DNAH1: variants seen among roughly 807,000 people sequenced by gnomAD.
The protein encoded by DNAH1 is dynein axonemal heavy chain 1.
In DNAH1, 327 loss-of-function variants were observed where a neutral mutation model predicts 484.3. That is an observed-to-expected ratio of 0.68 (90% CI 0.62 to 0.74). The LOEUF is 0.74. DNAH1 is among the 30% of genes least tolerant of loss of function. The pLI is 0.00. For missense variants in DNAH1, 5,052 were observed against 5,546.8 expected, an observed-to-expected ratio of 0.91 and a Z score of 2.83; for synonymous variants, 2,192 against 2,191.9, an observed-to-expected ratio of 1.00 and a Z score of 0.00.
At chr3:52,375,816 G>A (rs1703568967) in intron 45 of DNAH1, 139 bp from the exon 46 acceptor site, 5 of 969,122 alleles carry the variant, frequency 5.2e-6, no homozygotes, top group South Asian at 1.4e-5. Context: ...TAGGATGGAC[G>A]GAGTGTCTCT....
intron 1 of DNAH1, among the ~76,000 whole-genome samples, chr3:52,317,379 G>T (rs1457621965): frequency 2.0e-5 from 3 of 152,148 alleles, no homozygotes; most frequent in African/African-American, 7.2e-5. Flanking sequence ...GGCCTGAGTG[G>T]AGTCACCGTG....
chr3:52,323,001 C>A (rs1427704267), intron 2 of DNAH1, among the ~76,000 whole-genome samples: 1 of 152,214 alleles, frequency 6.6e-6, no homozygotes, highest in Non-Finnish European at 1.5e-5. Flanking sequence ...CAACTCATTA[C>A]TGAGCTCCTG....
chr3:52,350,204 A>G, intron 15 of DNAH1, 96 bp downstream of exon 15: 1 of 1,515,094 alleles, frequency 6.6e-7, no homozygotes, highest in South Asian at 1.2e-5. Flanking sequence ...GGTCGGACTC[A>G]GGAGGCTGAG....
chr3:52,382,793 C>A (rs986832852), intron 50 of DNAH1, among the ~76,000 whole-genome samples: 1 of 152,374 alleles, frequency 6.6e-6, no homozygotes, highest in Non-Finnish European at 1.5e-5. Flanking sequence ...GGCTTCCCTG[C>A]TCCCTCTTGG....
intron 45 of DNAH1, 134 bp from the exon 46 acceptor site, chr3:52,375,821 G>A (rs1703569198): frequency 2.0e-6 from 2 of 1,020,698 alleles, no homozygotes; most frequent in Non-Finnish European, 3.0e-6. Flanking sequence ...TGGACGGAGT[G>A]TCTCTGAGCC....
In DNAH1 at chr3:52,339,792, C is replaced by G. The variant is rs536720531; in HGVS notation, c.1287-4698C>G. ...TGTTTGTTTGTTTTTAGAATGTGCT[C>G]TGTGTGTGTGTCTGTGTGTGTGTGT... On this transcript the variant is annotated intron_variant, in intron 8 of 77. Transcript: ENST00000420323. Among the ~76,000 whole-genome samples the G allele has an allele frequency of 2.7e-3, 406 of 150,046 alleles. 4 individuals are homozygous for G. The highest frequency in any genetic ancestry group is 0.017 in the South Asian group (79 of 4,764).
Position 52,383,596 on chromosome 3 carries a change from T to C in DNAH1, c.8150+2T>C. 6.4e-7 allele frequency: 1 copy of C among 1,569,360 alleles called. No individual in the cohort carries two copies. Among genetic ancestry groups the C allele is most frequent in the Non-Finnish European group, 8.7e-7 (1 of 1,154,422 alleles). ...CATCCACATGGTGCTGTGCATGAGG[T>C]ACAGGCAGCTGTCGCCAGGCTGCGC... On this transcript the variant is annotated splice_donor_variant, in intron 51 of 77. Coordinates refer to ENST00000420323, the MANE Select transcript of DNAH1 (RefSeq NM_015512.5). LOFTEE classifies it high-confidence loss of function.
At position 52,326,874 on chromosome 3, in the gene DNAH1, A is replaced by G; in HGVS notation, c.721A>G (p.Ile241Val). ...IEQGHDPIFP[I>V]YLPLKVFDNE... ...ACAGGGCCATGACCCAATCTTCCCC[A>G]TCTACCTCCCACTGAAGGTGAGCCG... Residue 241 changes from isoleucine (I) to valine (V), a missense_variant, in exon 5 of 78, where the codon ATC (isoleucine) becomes GTC (valine). Transcript: ENST00000420323. 1.9e-6 allele frequency: 3 copies of G among 1,612,656 alleles called. No homozygotes were observed. Among genetic ancestry groups the G allele is most frequent in the African/African-American group, 2.7e-5 (2 of 74,882 alleles).
rs774850957 is a variant in DNAH1 at position 52,381,708 on chromosome 3, C to T, written c.7677C>T (p.Val2559=). The T allele has an allele frequency of 3.1e-6, 5 of 1,607,040 alleles. No individual in the cohort carries two copies. In the South Asian group the frequency reaches 5.6e-5, roughly 18 times the overall value. ...TCAACACGGCCAAGCTGAAGCTGGTCCTCTTCATGGACGCCATGAGCCACA... is the reference window on the plus strand; with the variant it reads ...TCAACACGGCCAAGCTGAAGCTGGTTCTCTTCATGGACGCCATGAGCCACA... The part of the protein sequence containing the change: ...NQINTAKLKL[V]LFMDAMSHIC... Residue 2559 remains valine, a synonymous_variant, in exon 49 of 78, where the codon GTC becomes GTT. Transcript: ENST00000420323. The surrounding 1 kb of genome is among the most constrained non-coding windows in gnomAD (Gnocchi z 4.1).
In DNAH1 at chr3:52,340,978, CCCTT is replaced by C. The variant is rs113750705; in HGVS notation, c.1287-3488_1287-3485del. Among the ~76,000 whole-genome samples the C allele has an allele frequency of 2.9e-3, 443 of 151,612 alleles. 2 individuals carry two copies. The highest frequency in any genetic ancestry group is 7.6e-3 in the African/African-American group (316 of 41,322). ...TTTCTTCCTTCCTTCCTTCCTCCCT[CCCTT>C]CCTTCCTTCCTTCCTTCCTTCCTAG... On this transcript the variant is annotated intron_variant, in intron 8 of 77. Transcript: ENST00000420323.
rs991264018 is a variant in DNAH1, at chr3:52,358,909, C to T, written c.4266+172C>T. On this transcript the variant is annotated intron_variant, in intron 25 of 77. Coordinates refer to ENST00000420323, the MANE Select transcript of DNAH1 (RefSeq NM_015512.5). This position sits in a 1 kb window ranked among gnomAD's most constrained non-coding sequence, Gnocchi z 4.2. ...CACACACACTCCAGAAAGTGGGACT[C>T]ACTCCTAATCATCGGGATGGCTGTT... Among the ~76,000 whole-genome samples the T allele has an allele frequency of 6.6e-6, 1 of 152,172 alleles. No homozygotes were observed. Among genetic ancestry groups the T allele is most frequent in the Admixed American group, 6.5e-5 (1 of 15,280 alleles).
chr3:52,381,847 C>T lies in DNAH1; in HGVS notation c.7805+11C>T, dbSNP rs753034591. The T allele has an allele frequency of 1.3e-6, 2 of 1,571,866 alleles. No homozygotes were observed. The highest frequency in any genetic ancestry group is 1.7e-6 in the Non-Finnish European group (2 of 1,158,492). ...GCTCGCCTCGCACATGTGAGCGCCT[C>T]CAGGGCGTGCTGGGCAGTGGGCGGC... On this transcript the variant is annotated intron_variant, in intron 49 of 77. Coordinates refer to ENST00000420323, the MANE Select transcript of DNAH1 (RefSeq NM_015512.5). This position sits in a 1 kb window ranked among gnomAD's most constrained non-coding sequence, Gnocchi z 4.1.
chr3:52,347,821 C>T lies in DNAH1; in HGVS notation c.1956-3C>T. Reference sequence around the variant, plus strand: ...CCCACAGTCAGCTCGCCATTGCCTGCAGGCCCCGGAAGAATCCCCTGTTCA... The same window carrying T: ...CCCACAGTCAGCTCGCCATTGCCTGTAGGCCCCGGAAGAATCCCCTGTTCA... On this transcript the variant is annotated splice_polypyrimidine_tract_variant and splice_region_variant and intron_variant, in intron 11 of 77. Coordinates refer to ENST00000420323, the MANE Select transcript of DNAH1 (RefSeq NM_015512.5). 2 of 1,575,130 alleles carry T rather than the reference C, an allele frequency of 1.3e-6. No homozygotes were observed. The highest frequency in any genetic ancestry group is 1.2e-5 in the South Asian group (1 of 86,206).
chr3:52,364,818 C>G lies in DNAH1; in HGVS notation c.5332-15C>G. 2 of 1,610,578 alleles carry G rather than the reference C, an allele frequency of 1.2e-6. No homozygotes were observed. The highest frequency in any genetic ancestry group is 1.7e-6 in the Non-Finnish European group (2 of 1,177,488). On this transcript the variant is annotated splice_polypyrimidine_tract_variant and intron_variant, in intron 33 of 77. Coordinates refer to ENST00000420323, the MANE Select transcript of DNAH1 (RefSeq NM_015512.5). This position sits in a 1 kb window ranked among gnomAD's most constrained non-coding sequence, Gnocchi z 4.2. Reference sequence around the variant, plus strand: ...TGGCCCACTGCCCTGAAGGCTCAGCCGGCACCTGCTGCAGGAGCTGATCTG... The same window carrying G: ...TGGCCCACTGCCCTGAAGGCTCAGCGGGCACCTGCTGCAGGAGCTGATCTG...
chr3:52,370,403 T>C (rs1460614233), intron 39 of DNAH1, 74 bp from the exon 40 acceptor site: 1 of 1,596,306 alleles, frequency 6.3e-7, no homozygotes, highest in East Asian at 2.2e-5. Context: ...GGTCAAGACA[T>C]GCCCCTGCCC....
intron 8 of DNAH1, among the ~76,000 whole-genome samples, chr3:52,339,226 T>A (rs1182847520): frequency 6.6e-6 from 1 of 152,130 alleles, no homozygotes; most frequent in Non-Finnish European, 1.5e-5. Flanking sequence ...CTAATTTTAT[T>A]TTTTAAAATT....
At position 52,363,140 on chromosome 3, in the gene DNAH1, C is replaced by A; in HGVS notation, c.5240C>A (p.Ser1747Tyr). Residue 1747 changes from serine (S) to tyrosine (Y), a missense_variant, in exon 32 of 78, where the codon TCC (serine) becomes TAC (tyrosine). By Grantham distance (144) the Ser-to-Tyr change is moderately radical. Transcript: ENST00000420323. ...TFKLSSEQLS[S>Y]QDHYDFGMRA... Reference sequence around the variant, plus strand: ...AAGCTGTCTTCTGAGCAGCTCAGCTCCCAGGTGTGGTCCTGCCCTGATGGG... The same window carrying A: ...AAGCTGTCTTCTGAGCAGCTCAGCTACCAGGTGTGGTCCTGCCCTGATGGG... The A allele has an allele frequency of 6.2e-7, 1 of 1,613,840 alleles. No individual in the cohort carries two copies.
At chr3:52,394,839 G>A (rs892416259) in intron 67 of DNAH1, 76 bp from the exon 68 acceptor site, 137 of 1,564,144 alleles carry the variant, frequency 8.8e-5, no homozygotes, top group Non-Finnish European at 1.1e-4. Context: ...CCAGCTGTCC[G>A]GCTGGCCGAA....
chr3:52,319,535 A>G (rs1163853843), intron 1 of DNAH1, among the ~76,000 whole-genome samples: 1 of 152,248 alleles, frequency 6.6e-6, no homozygotes, highest in Non-Finnish European at 1.5e-5. Context: ...CACTGTGCCC[A>G]CCAGGGCCAC....
Sources: gnomAD v4.1 joint callset for allele counts (sites outside exome capture counted in the v4.1 genomes callset) on GRCh38, gnomAD v4.1.1 for gene constraint, Gnocchi (gnomAD v3.1) non-coding constraint, MANE v1.5 for transcripts, NCBI Gene and HGNC (gene_info 2026-07-23, HGNC 2026-07-21) for gene names.